The following XRCC4 variants were observed in gnomAD, a reference collection of about 807,000 sequenced individuals.
XRCC4 encodes the protein X-ray repair cross complementing 4, also known as DNA repair protein XRCC4.
XRCC4 carries 28 observed loss-of-function variants against 39.1 expected under a neutral mutation model. The ratio of observed to expected loss-of-function variants is 0.72; its 90% CI spans 0.53 to 0.98. XRCC4 has a LOEUF of 0.98. Ranked by LOEUF, XRCC4 falls within the 50% of genes least tolerant of loss-of-function variation. The probability of loss-of-function intolerance (pLI) is 0.00; values close to 1 mark genes in which losing one functional copy is unlikely to be tolerated. For synonymous variants in XRCC4, 123 were observed against 126.4 expected (o/e 0.97, Z 0.18); for missense variants, 350 against 376.4 (o/e 0.93, Z 0.58).
At chr5:83,214,464 A>G (rs2089564) in intron 6 of XRCC4, among the ~76,000 whole-genome samples, 143,314 of 152,234 alleles carry the variant, frequency 0.94, 67,589 homozygotes, top group African/African-American at 0.99. Context: ...GTGTATTCCT[A>G]TAATCCCAGA....
At chr5:83,084,199 T>G (rs796943099) in intron 1 of XRCC4, among the ~76,000 whole-genome samples, 29 of 152,362 alleles carry the variant, frequency 1.9e-4, no homozygotes, top group African/African-American at 7.0e-4. Context: ...TTGCTATACC[T>G]TGTTTCTTAG....
intron 7 of XRCC4, among the ~76,000 whole-genome samples, chr5:83,346,031 T>C (rs931257033): frequency 3.3e-5 from 5 of 152,160 alleles, no homozygotes; most frequent in African/African-American, 1.2e-4. Context: ...TCTGCAACTA[T>C]ATTTTTGAGA....
At chr5:83,091,857 A>T (rs761845124) in intron 1 of XRCC4, among the ~76,000 whole-genome samples, 4 of 152,200 alleles carry the variant, frequency 2.6e-5, no homozygotes, top group Non-Finnish European at 5.9e-5. Context: ...TTCTGATTTT[A>T]AAACTTTCAG....
intron 7 of XRCC4, among the ~76,000 whole-genome samples, chr5:83,308,118 G>A (rs887881275): frequency 1.3e-5 from 2 of 152,042 alleles, no homozygotes; most frequent in Non-Finnish European, 2.9e-5. Context: ...CATTCCCAGG[G>A]CAGTTCAACT....
chr5:83,159,374 A>G (rs1749101204), intron 3 of XRCC4, among the ~76,000 whole-genome samples: 1 of 152,188 alleles, frequency 6.6e-6, no homozygotes, highest in African/African-American at 2.4e-5. Flanking sequence ...TGTTTGACCC[A>G]GAGTGCTAGT....
Position 83,110,165 on chromosome 5 carries a change from G to A in XRCC4, c.140-863G>A, listed in dbSNP as rs150165692. ...AGAGCACTTGCCACTTTGGCTAGAG[G>A]TGAGCTGTACTCAAATGTTACAAAG... On this transcript the variant is annotated intron_variant, in intron 2 of 7. Transcript: ENST00000396027. 1.1e-3 allele frequency among the ~76,000 whole-genome samples: 170 copies of A among 152,098 alleles called. 1 individual carries two copies. The highest frequency in any genetic ancestry group is 3.4e-3 in the Middle Eastern group (1 of 292).
chr5:83,343,510 G>A (rs9293335), intron 7 of XRCC4, among the ~76,000 whole-genome samples: 5,232 of 152,190 alleles, frequency 0.034, 291 homozygotes, highest in African/African-American at 0.12. Context: ...AGCCTAAAGT[G>A]TATTTACAGG....
At chr5:83,316,173 A>G (rs1755876643) in intron 7 of XRCC4, among the ~76,000 whole-genome samples, 1 of 152,100 alleles carries the variant, frequency 6.6e-6, no homozygotes, top group Non-Finnish European at 1.5e-5. Context: ...CAGGAGAACT[A>G]GAATTAGAAG....
chr5:83,168,388 C>G (rs1046431893), intron 3 of XRCC4, among the ~76,000 whole-genome samples: 1 of 152,054 alleles, frequency 6.6e-6, no homozygotes, highest in Non-Finnish European at 1.5e-5. Flanking sequence ...CAACAATGGA[C>G]TCAATTACAA....
intron 7 of XRCC4, chr5:83,259,281 A>T (rs1753666424): frequency 6.6e-6 from 1 of 152,466 alleles, no homozygotes; most frequent in Admixed American, 6.5e-5. Flanking sequence ...TCCAAAATGA[A>T]TGTTCAAATC....
intron 7 of XRCC4, among the ~76,000 whole-genome samples, chr5:83,300,181 G>A (rs930925844): frequency 2.6e-5 from 4 of 152,120 alleles, no homozygotes; most frequent in African/African-American, 9.7e-5. Context: ...AAGTGAGTCA[G>A]TAGTGTCCCA....
At chr5:83,186,893 C>G (rs1750465094) in intron 3 of XRCC4, among the ~76,000 whole-genome samples, 3 of 152,048 alleles carry the variant, frequency 2.0e-5, no homozygotes, top group Admixed American at 2.0e-4. Flanking sequence ...TTGTCTTTCC[C>G]CGTTTCTAGA....
intron 6 of XRCC4, among the ~76,000 whole-genome samples, chr5:83,234,221 T>C (rs541032247): frequency 1.3e-5 from 2 of 152,290 alleles, no homozygotes; most frequent in Non-Finnish European, 2.9e-5. Flanking sequence ...TGTGTAATGC[T>C]GTCTGATGGA....
intron 7 of XRCC4, among the ~76,000 whole-genome samples, chr5:83,284,172 A>G (rs1221755383): frequency 6.6e-6 from 1 of 151,542 alleles, no homozygotes; most frequent in Admixed American, 6.6e-5. Flanking sequence ...GATCCTATTC[A>G]TGAAAAAACT....
intron 3 of XRCC4, among the ~76,000 whole-genome samples, chr5:83,186,940 C>CTTTTTTTTTTTTTTTTTT (rs1750468282): frequency 4.1e-5 from 4 of 96,826 alleles, no homozygotes; most frequent in African/African-American, 2.2e-4. Flanking sequence ...CTGCTTCTTC[C>CTTTTTTTTTTTTTTTTTT]ATTTTTTTTT....
At chr5:83,212,681 G>A (rs551259148) in intron 6 of XRCC4, among the ~76,000 whole-genome samples, 142 of 151,704 alleles carry the variant, frequency 9.4e-4, no homozygotes, top group Non-Finnish European at 1.6e-3. Context: ...TAATCCTAGC[G>A]CTTTGGGAGG....
chr5:83,092,322 CTAAT>C (rs1299947738), intron 1 of XRCC4, among the ~76,000 whole-genome samples: 1 of 152,048 alleles, frequency 6.6e-6, no homozygotes, highest in African/African-American at 2.4e-5. Flanking sequence ...TTTTACTCTG[CTAAT>C]TGTTTCCTTT....
At chr5:83,139,028 T>A (rs1748035972) in intron 3 of XRCC4, among the ~76,000 whole-genome samples, 1 of 152,184 alleles carries the variant, frequency 6.6e-6, no homozygotes, top group Non-Finnish European at 1.5e-5. Flanking sequence ...GTACAATTAT[T>A]AAAACTAAGA....
At chr5:83,128,658 T>C (rs1747399676) in intron 3 of XRCC4, among the ~76,000 whole-genome samples, 1 of 152,188 alleles carries the variant, frequency 6.6e-6, no homozygotes, top group Admixed American at 6.5e-5. Flanking sequence ...TTTTTAATGA[T>C]CGCCATTCTA....
Sources: gnomAD v4.1 joint callset for allele counts (sites outside exome capture counted in the v4.1 genomes callset) on GRCh38, gnomAD v4.1.1 for gene constraint, MANE v1.5 for transcripts, NCBI Gene and HGNC (gene_info 2026-07-23, HGNC 2026-07-21) for gene names.